Variants in R3HDM1 observed in about 807,000 individuals in gnomAD.
R3HDM1 encodes R3H domain-containing protein 1.
R3HDM1 carries 46 observed loss-of-function variants against 141.1 expected under a neutral mutation model. The observed-to-expected ratio is 0.33, with a 90% confidence interval of 0.26 to 0.42. The LOEUF is 0.42. Among genes scored for constraint, R3HDM1 ranks in the 10% least tolerant of loss-of-function variants. R3HDM1 has a pLI of 1.00. For synonymous variants in R3HDM1, 435 were observed against 472.9 expected, an observed-to-expected ratio of 0.92 and a Z score of 1.04; for missense variants, 1,184 against 1,368.3, an observed-to-expected ratio of 0.87 and a Z score of 2.12.
At chr2:135,647,722 A>G (rs183251574) in intron 16 of R3HDM1, among the ~76,000 whole-genome samples, 5 of 152,332 alleles carry the variant, frequency 3.3e-5, no homozygotes, top group African/African-American at 9.6e-5. Flanking sequence ...CAAATAACCA[A>G]ACAAAATAAT....
chr2:135,565,605 G>A (rs1040155321), intron 1 of R3HDM1: 1 of 151,722 alleles, frequency 6.6e-6, no homozygotes, highest in East Asian at 1.9e-4. Context: ...GCTGTTTCAG[G>A]TATGTTCATC....
intron 1 of R3HDM1, among the ~76,000 whole-genome samples, chr2:135,552,483 A>G (rs1700014439): frequency 1.3e-5 from 2 of 152,180 alleles, no homozygotes; most frequent in Non-Finnish European, 2.9e-5. Flanking sequence ...GGCATGAGCC[A>G]CCACACGCGG....
At chr2:135,671,907 T>C (rs1450151917) in intron 19 of R3HDM1, among the ~76,000 whole-genome samples, 1 of 149,660 alleles carries the variant, frequency 6.7e-6, no homozygotes, top group East Asian at 2.0e-4. Context: ...ACCCAGGAGG[T>C]GGAGGTTGCG....
chr2:135,672,970 G>A (rs2068625145), intron 19 of R3HDM1, among the ~76,000 whole-genome samples: 1 of 152,166 alleles, frequency 6.6e-6, no homozygotes. Flanking sequence ...AGCCAGACAT[G>A]GCAGTGCGCG....
chr2:135,690,265 G>A (rs2105377423), intron 21 of R3HDM1, among the ~76,000 whole-genome samples: 1 of 152,090 alleles, frequency 6.6e-6, no homozygotes, highest in African/African-American at 2.4e-5. Context: ...GCTATCCTTT[G>A]AAATAATTGT....
chr2:135,714,232 G>T (rs761489630), intron 23 of R3HDM1, among the ~76,000 whole-genome samples: 1 of 152,164 alleles, frequency 6.6e-6, no homozygotes, highest in Non-Finnish European at 1.5e-5. Context: ...AGAGATAGAC[G>T]TCAGGTTCCT....
chr2:135,686,186 T>C (rs1445215110), intron 21 of R3HDM1, among the ~76,000 whole-genome samples: 1 of 152,072 alleles, frequency 6.6e-6, no homozygotes, highest in African/African-American at 2.4e-5. Flanking sequence ...TTGATAAGGA[T>C]GTGGAAAAAA....
intron 16 of R3HDM1, among the ~76,000 whole-genome samples, chr2:135,647,289 T>G (rs1242530133): frequency 2.0e-5 from 3 of 152,232 alleles, no homozygotes; most frequent in Non-Finnish European, 4.4e-5. Context: ...AGTTTCCTCT[T>G]TATTATGCTG....
chr2:135,590,343 T>C (rs540677013), intron 1 of R3HDM1, among the ~76,000 whole-genome samples: 1 of 152,192 alleles, frequency 6.6e-6, no homozygotes, highest in African/African-American at 2.4e-5. Flanking sequence ...GAGCAGAACA[T>C]TTTTTTATTC....
intron 19 of R3HDM1, among the ~76,000 whole-genome samples, chr2:135,663,753 A>G (rs1374329): frequency 0.42 from 63,635 of 151,974 alleles, 16,158 homozygotes; most frequent in East Asian, 0.82. Context: ...AAGGCCAGGC[A>G]CGGTGGCTCA....
chr2:135,631,374 A>G (rs1360356888), intron 7 of R3HDM1, among the ~76,000 whole-genome samples: 3 of 152,036 alleles, frequency 2.0e-5, no homozygotes, highest in Non-Finnish European at 4.4e-5. Context: ...GCAGATCAAA[A>G]TACATTTAAG....
At position 135,626,209 on chromosome 2, in the gene R3HDM1, G is replaced by GCTTGCTTGCTTGCTTGCTTGCTTGCT. The variant is rs1553576640; in HGVS notation, c.497+3477_497+3478insCTTGCTTGCTTGCTTGCTTGCTTGCT. The stretch of plus-strand genomic sequence containing the variant: ...CGTGCGTGCGTGCGTGCGTGCGTGC[G>GCTTGCTTGCTTGCTTGCTTGCTTGCT]TGCTTGCTTGCTTGCTTGCTTGCTT... On this transcript the variant is annotated intron_variant, in intron 7 of 26. Coordinates refer to ENST00000683871, the MANE Select transcript of R3HDM1 (RefSeq NM_001378107.1). Among the ~76,000 whole-genome samples, 168 of 143,430 alleles carry GCTTGCTTGCTTGCTTGCTTGCTTGCT rather than the reference G, an allele frequency of 1.2e-3. 2 individuals carry two copies. The highest frequency in any genetic ancestry group is 4.7e-3 in the African/African-American group (160 of 34,188). The allele number at this position is 143,430 out of a possible 152,430, so 94.1% of individuals were successfully genotyped here.
chr2:135,576,875 T>G (rs1705562585), intron 1 of R3HDM1: 1 of 170,030 alleles, frequency 5.9e-6, no homozygotes, highest in African/African-American at 2.4e-5. Context: ...GGGTGACTGA[T>G]GAAAGGTACA....
Position 135,641,558 on chromosome 2 carries a change from A to G in R3HDM1, c.1242A>G (p.Val414=), listed in dbSNP as rs760776849. 1 of 1,613,902 alleles carries G rather than the reference A, an allele frequency of 6.2e-7. No individual in the cohort carries two copies. Among genetic ancestry groups the G allele is most frequent in the Non-Finnish European group, 8.5e-7 (1 of 1,179,870 alleles). The change falls in exon 15 of 27, where the codon GTA becomes GTG. Residue 414 remains valine (V), a synonymous_variant. Coordinates refer to ENST00000683871, the MANE Select transcript of R3HDM1 (RefSeq NM_001378107.1). ...TAGGTTCTGAGTCTTCTGGTAGTGT[A>G]GGGTCATCTACAGGCTCTCTTTCTC... The part of the protein sequence containing the change: ...SKTGSESSGS[V]GSSTGSLSHI...
chr2:135,534,011 G>T, intron 1 of R3HDM1: 1 of 985,336 alleles, frequency 1.0e-6, no homozygotes, highest in Non-Finnish European at 1.2e-6. Context: ...TATGCTGAGG[G>T]TGTTGTTGCA....
intron 5 of R3HDM1, among the ~76,000 whole-genome samples, chr2:135,617,651 A>G (rs760848885): frequency 7.9e-5 from 12 of 152,112 alleles, no homozygotes; most frequent in Non-Finnish European, 1.6e-4. Context: ...TTTTCTGTTA[A>G]TCTCAGCTAT....
intron 1 of R3HDM1, chr2:135,559,238 C>T (rs1701365067): frequency 5.9e-6 from 1 of 170,426 alleles, no homozygotes; most frequent in Non-Finnish European, 1.2e-5. Context: ...CAGCCTCCCA[C>T]ACAGCTGGGA....
intron 1 of R3HDM1, among the ~76,000 whole-genome samples, chr2:135,548,695 G>C (rs1489547891): frequency 1.3e-5 from 2 of 151,950 alleles, no homozygotes. Context: ...TCTGTGTAGG[G>C]CTTCTTCCAT....
chr2:135,722,077 C>G, intron 25 of R3HDM1, 71 bp downstream of exon 25: 1 of 1,454,516 alleles, frequency 6.9e-7, no homozygotes, highest in Middle Eastern at 1.7e-4. Flanking sequence ...TAAGGGGCAA[C>G]CCTGAGCCCA....
Sources: allele counts gnomAD v4.1 joint callset (sites outside exome capture counted in the v4.1 genomes callset), GRCh38; gene constraint gnomAD v4.1.1; transcripts MANE v1.5; gene names NCBI Gene and HGNC (gene_info 2026-07-23, HGNC 2026-07-21).